Variants in MRPL42 observed in about 807,000 individuals in gnomAD.
MRPL42 encodes the protein mitochondrial ribosomal protein L42.
MRPL42 carries 17 observed loss-of-function variants against 17.9 expected under a neutral mutation model. The observed-to-expected ratio is 0.95, with a 90% CI of 0.65 to 1.42. The LOEUF (loss-of-function observed/expected upper bound fraction) is 1.42. MRPL42 is among the 40% of genes most tolerant of loss of function. The probability of loss-of-function intolerance (pLI) is 0.00; values close to 1 mark genes in which losing one functional copy is unlikely to be tolerated. For synonymous variants in MRPL42, 59 were observed against 54.4 expected, an observed-to-expected ratio of 1.08 and a Z score of -0.37; for missense variants, 177 against 175.2, an observed-to-expected ratio of 1.01 and a Z score of -0.06.
intron 5 of MRPL42, chr12:93,488,518 C>T (rs1344534554): frequency 2.7e-6 from 1 of 369,844 alleles, no homozygotes; most frequent in East Asian, 3.9e-5. Flanking sequence ...TTTTTACATT[C>T]TATGATGTAT....
Position 93,485,018 on chromosome 12 carries a change from A to C in MRPL42, c.220-2479A>C, listed in dbSNP as rs553455690. Among the ~76,000 whole-genome samples the C allele has an allele frequency of 2.0e-3, 259 of 128,014 alleles. 26 individuals carry two copies. Among genetic ancestry groups the C allele is most frequent in the African/African-American group, 7.5e-3 (249 of 33,160 alleles). 84.0% of individuals were successfully genotyped at this position (128,014 alleles called of 152,430 possible). A position where few individuals can be genotyped will look rare whatever the true frequency, so the allele number is the denominator to read the frequency against. On this transcript the variant is annotated intron_variant, in intron 4 of 5. Transcript: ENST00000549982. The stretch of plus-strand genomic sequence containing the variant: ...TATATATATATATATATATATATAT[A>C]TATATATATAAACAGAGATGGGGGG...
At chr12:93,498,034 CTCTT>C (rs1253126893) in intron 5 of MRPL42, among the ~76,000 whole-genome samples, 1 of 32,374 alleles carries the variant, frequency 3.1e-5, no homozygotes, top group Non-Finnish European at 6.7e-5. Context: ...GCATAGAACA[CTCTT>C]TCTCACAGTA....
At position 93,504,875 on chromosome 12, in the gene MRPL42, G is replaced by C. The variant is rs1953651555; in HGVS notation, c.*3654G>C. 6.6e-6 allele frequency: 1 copy of C among 152,108 alleles called. No homozygotes were observed. Among genetic ancestry groups the C allele is most frequent in the African/African-American group, 2.4e-5 (1 of 41,420 alleles). 9.4% of individuals were successfully genotyped at this position (152,108 alleles called of 1,614,324 possible). The stretch of plus-strand genomic sequence containing the variant: ...TAGCCTATAAGCTCCATGACTTCTA[G>C]GTACCCTGTCTGACTACGTGTATCA... On this transcript the variant is annotated 3_prime_UTR_variant, in exon 6 of 6. Coordinates refer to ENST00000549982, the MANE Select transcript of MRPL42 (RefSeq NM_014050.4).
At chr12:93,494,281 A>C (rs1240821682) in intron 5 of MRPL42, among the ~76,000 whole-genome samples, 1 of 152,220 alleles carries the variant, frequency 6.6e-6, no homozygotes, top group Admixed American at 6.5e-5. Context: ...CAGCAAAGCA[A>C]AGGAAGCAGC....
chr12:93,474,522 C>T lies in MRPL42; in HGVS notation c.71-2432C>T, dbSNP rs1880067213. Among the ~76,000 whole-genome samples, 3 of 152,176 alleles carry T rather than the reference C, an allele frequency of 2.0e-5. No homozygotes were observed. The South Asian group carries it at 6.2e-4, about 32-fold the overall frequency. ...CAATCATAGTTCATTGCAGCCTCACCCTCCTAGGTTCAAGTGATCCTTCAG... is the reference window on the plus strand; with the variant it reads ...CAATCATAGTTCATTGCAGCCTCACTCTCCTAGGTTCAAGTGATCCTTCAG... On this transcript the variant is annotated intron_variant, in intron 2 of 5. Coordinates refer to ENST00000549982, the MANE Select transcript of MRPL42 (RefSeq NM_014050.4).
Position 93,496,082 on chromosome 12 carries a change from G to A in MRPL42, c.384-5094G>A, listed in dbSNP as rs540979213. On this transcript the variant is annotated intron_variant, in intron 5 of 5. Transcript: ENST00000549982. ...TTTTGTTTTTGTTTTTGTTTGACAC[G>A]GAGTCTTGCTTTGTCACCTAGGCTG... is the stretch of plus-strand genomic sequence containing the variant. Among the ~76,000 whole-genome samples the A allele has an allele frequency of 4.9e-4, 75 of 151,940 alleles. 1 individual carries two copies. The highest frequency in any genetic ancestry group is 1.7e-3 in the African/African-American group (70 of 41,440).
rs1372507374 is a variant in MRPL42 at position 93,505,361 on chromosome 12, A to C, written c.*4140A>C. The C allele has an allele frequency of 6.6e-6, 1 of 152,150 alleles. No individual in the cohort carries two copies. The highest frequency in any genetic ancestry group is 1.5e-5 in the Non-Finnish European group (1 of 68,026). 9.4% of individuals were successfully genotyped at this position (152,150 alleles called of 1,614,324 possible). ...GAATACTTTTTCAGTTTCAATGTGT[A>C]TTTTTAAAATTTCCAGAAGATGAGT... On this transcript the variant is annotated 3_prime_UTR_variant, in exon 6 of 6. Coordinates refer to ENST00000549982, the MANE Select transcript of MRPL42 (RefSeq NM_014050.4).
intron 5 of MRPL42, among the ~76,000 whole-genome samples, chr12:93,491,741 T>C (rs1002219798): frequency 5.3e-5 from 8 of 152,036 alleles, no homozygotes; most frequent in South Asian, 2.1e-4. Context: ...TAGTGCCCAA[T>C]AGGTAGTTCT....
chr12:93,480,562 G>A (rs1212980478), intron 4 of MRPL42, among the ~76,000 whole-genome samples: 1 of 147,826 alleles, frequency 6.8e-6, no homozygotes, highest in East Asian at 2.0e-4. Context: ...TTTTTTTTGA[G>A]ACTGAGTCTC....
At chr12:93,479,276 T>TGG in intron 3 of MRPL42, 112 bp from the exon 4 acceptor site, 2 of 533,680 alleles carry the variant, frequency 3.7e-6, no homozygotes, top group Non-Finnish European at 6.1e-6. Context: ...GAGTGCCCAC[T>TGG]GCACTCCAGC....
At chr12:93,491,895 C>A (rs919113398) in intron 5 of MRPL42, among the ~76,000 whole-genome samples, 1 of 152,180 alleles carries the variant, frequency 6.6e-6, no homozygotes, top group Non-Finnish European at 1.5e-5. Flanking sequence ...TGTGTTAATT[C>A]GCTTAGGATA....
Position 93,505,774 on chromosome 12 carries a change from T to G in MRPL42, c.*4553T>G, listed in dbSNP as rs1056078817. 93 of 152,326 alleles carry G rather than the reference T, an allele frequency of 6.1e-4. No individual in the cohort carries two copies. The highest frequency in any genetic ancestry group is 2.2e-3 in the African/African-American group (90 of 41,572). The allele number at this position is 152,326 out of a possible 1,614,324, so 9.4% of individuals were successfully genotyped here. ...TACATAGCATATCCTTCTGCAGAAATGCTTCACAGCCATGACTGCTTGAAT... is the reference window on the plus strand; with the variant it reads ...TACATAGCATATCCTTCTGCAGAAAGGCTTCACAGCCATGACTGCTTGAAT... On this transcript the variant is annotated 3_prime_UTR_variant, in exon 6 of 6. Transcript: ENST00000549982.
chr12:93,511,380 T>C lies in MRPL42; in HGVS notation c.*10159T>C, dbSNP rs1174254473. On this transcript the variant is annotated 3_prime_UTR_variant, in exon 6 of 6. Transcript: ENST00000549982. ...AACGTTAATGCTTTTTAGACATCTT[T>C]AAGCAACTTTAGATTGCTAAAACTA... 6.6e-6 allele frequency: 1 copy of C among 152,212 alleles called. No individual in the cohort carries two copies. Among genetic ancestry groups the C allele is most frequent in the Non-Finnish European group, 1.5e-5 (1 of 68,030 alleles). 9.4% of individuals were successfully genotyped at this position (152,212 alleles called of 1,614,324 possible).
chr12:93,495,292 C>CT (rs1324171838), intron 5 of MRPL42, among the ~76,000 whole-genome samples: 1 of 152,090 alleles, frequency 6.6e-6, no homozygotes, highest in African/African-American at 2.4e-5. Context: ...AGAAGGAATA[C>CT]TTTATGACTT....
intron 5 of MRPL42, among the ~76,000 whole-genome samples, chr12:93,497,086 A>G (rs940894383): frequency 2.0e-5 from 3 of 152,182 alleles, no homozygotes; most frequent in African/African-American, 4.8e-5. Context: ...TAAAAAAACA[A>G]CAACCAAAAA....
In MRPL42 at chr12:93,501,770, A is replaced by G. The variant is rs2121283298; in HGVS notation, c.*549A>G. 6.6e-6 allele frequency: 1 copy of G among 152,332 alleles called. No individual in the cohort carries two copies. Among genetic ancestry groups the G allele is most frequent in the Admixed American group, 6.5e-5 (1 of 15,292 alleles). 9.4% of individuals were successfully genotyped at this position (152,332 alleles called of 1,614,324 possible). On this transcript the variant is annotated 3_prime_UTR_variant, in exon 6 of 6. Transcript: ENST00000549982. Reference sequence around the variant, plus strand: ...TAGTAGTATAAATATGATTAATAAAAATGTGCATGGCTTTCCTGAAGGAGA... The same window carrying G: ...TAGTAGTATAAATATGATTAATAAAGATGTGCATGGCTTTCCTGAAGGAGA...
rs762040972 is a variant in MRPL42 at position 93,513,347 on chromosome 12, C to G, written c.*12126C>G. ...CTGGAGCTTCAGGTGTCTGCCATCA[C>G]GCCTGGCAAATTTATTTTTTGTAGA... On this transcript the variant is annotated 3_prime_UTR_variant, in exon 6 of 6. Transcript: ENST00000549982. The G allele has an allele frequency of 6.6e-6, 1 of 151,908 alleles. No homozygotes were observed. Among genetic ancestry groups the G allele is most frequent in the African/African-American group, 2.4e-5 (1 of 41,340 alleles). The allele number at this position is 151,908 out of a possible 1,614,324, so 9.4% of individuals were successfully genotyped here.
At chr12:93,475,177 C>T (rs1382283455) in intron 2 of MRPL42, among the ~76,000 whole-genome samples, 4 of 151,760 alleles carry the variant, frequency 2.6e-5, no homozygotes, top group Non-Finnish European at 4.4e-5. Context: ...TGCAATGGCA[C>T]GATCTTGTCT....
Position 93,511,422 on chromosome 12 carries a change from CAA to C in MRPL42, c.*10202_*10203del, listed in dbSNP as rs1565823457. ...CTAAAACTAAAAAATGCAATTAAGA[CAA>C]TAATCTTATATATAGACAATAATTG... On this transcript the variant is annotated 3_prime_UTR_variant, in exon 6 of 6. Transcript: ENST00000549982. 1 of 152,062 alleles carries C rather than the reference CAA, an allele frequency of 6.6e-6. No homozygotes were observed. Among genetic ancestry groups the C allele is most frequent in the Non-Finnish European group, 1.5e-5 (1 of 67,994 alleles). The allele number at this position is 152,062 out of a possible 1,614,324, so 9.4% of individuals were successfully genotyped here. A position where few individuals can be genotyped will look rare whatever the true frequency, so the allele number is the denominator to read the frequency against.
Sources: gnomAD v4.1 joint callset for allele counts (sites outside exome capture counted in the v4.1 genomes callset) on GRCh38, gnomAD v4.1.1 for gene constraint, MANE v1.5 for transcripts, NCBI Gene and HGNC (gene_info 2026-07-23, HGNC 2026-07-21) for gene names.